OR52N5: variants seen among roughly 807,000 people sequenced by gnomAD.
The protein encoded by OR52N5 is olfactory receptor family 52 subfamily N member 5.
OR52N5 carries 10 observed loss-of-function variants against 14.1 expected under a neutral mutation model. The ratio of observed to expected loss-of-function variants is 0.71; its 90% confidence interval spans 0.44 to 1.20. The LOEUF is 1.20. OR52N5 is among the 50% of genes most tolerant of loss of function. The pLI is 0.00. For missense variants in OR52N5, 361 were observed against 403.2 expected (o/e 0.90, Z 0.90); for synonymous variants, 116 against 143.0 (o/e 0.81, Z 1.35).
At position 5,778,526 on chromosome 11, in the gene OR52N5, G is replaced by A. The variant is rs370148000; in HGVS notation, c.109C>T (p.Leu37Phe). ...ATGATGTACATTGTGCAGAGTGGGA[G>A]GGAGATCCATACATGTACTCTTTCC... ...GLERVHVWIS[L>F]PLCTMYIIFL... is the part of the protein sequence containing the mutation. Residue 37 changes from leucine (L) to phenylalanine (F), a missense_variant, in exon 3 of 3, where the codon CTC (leucine) becomes TTC (phenylalanine). Physicochemically the swap from Leu to Phe is conservative, Grantham distance 22. Coordinates refer to ENST00000641181, the MANE Select transcript of OR52N5 (RefSeq NM_001385662.1). The A allele has an allele frequency of 2.7e-5, 41 of 1,515,376 alleles. 8 individuals are homozygous for A. The African/African-American group carries it at 5.5e-4, about 20-fold the overall frequency. 93.9% of individuals were successfully genotyped at this position (1,515,376 alleles called of 1,614,324 possible).
intron 2 of OR52N5, among the ~76,000 whole-genome samples, chr11:5,780,931 A>T (rs1186323120): frequency 7.1e-6 from 1 of 140,600 alleles, no homozygotes; most frequent in Admixed American, 7.3e-5. Context: ...CCTGATGCTT[A>T]TCTTAGTAAC....
Position 5,779,114 on chromosome 11 carries a change from A to G in OR52N5, c.-23-457T>C, listed in dbSNP as rs115783198. ...TGTGCCAATACACAATAGGAAGATT[A>G]TGGTTATTTCTACCAAATAGCACAT... On this transcript the variant is annotated intron_variant, in intron 2 of 2. Transcript: ENST00000641181. Among the ~76,000 whole-genome samples, 1,049 of 140,450 alleles carry G rather than the reference A, an allele frequency of 7.5e-3. 170 individuals are homozygous for G. The highest frequency in any genetic ancestry group is 0.026 in the African/African-American group (995 of 38,492). 92.1% of individuals were successfully genotyped at this position (140,450 alleles called of 152,430 possible).
chr11:5,781,128 C>G lies in OR52N5; in HGVS notation c.-24+405G>C, dbSNP rs1312992764. 1.0e-4 allele frequency among the ~76,000 whole-genome samples: 14 copies of G among 140,402 alleles called. 2 individuals carry two copies. Among genetic ancestry groups the G allele is most frequent in the Admixed American group, 8.8e-4 (12 of 13,676 alleles). The allele number at this position is 140,402 out of a possible 152,430, so 92.1% of individuals were successfully genotyped here. On this transcript the variant is annotated intron_variant, in intron 2 of 2. Coordinates refer to ENST00000641181, the MANE Select transcript of OR52N5 (RefSeq NM_001385662.1). ...GACTTTCACATATGCTCCATTAAAG[C>G]AAATCCCTTATAAACAGAATTAATG...
rs140803825 is a variant in OR52N5 at position 5,778,161 on chromosome 11, G to A, written c.474C>T (p.Phe158=). ...GAATCATCAGCAATACACCCCTCAG[G>A]AAGGTGGCAAGCTCAGCCTTGGCAA... ...PIIAKAELAT[F]LRGVLLMIPF... Residue 158 remains phenylalanine, a synonymous_variant, in exon 3 of 3, where the codon TTC becomes TTT. Coordinates refer to ENST00000641181, the MANE Select transcript of OR52N5 (RefSeq NM_001385662.1). The A allele has an allele frequency of 6.3e-5, 96 of 1,521,160 alleles. 16 individuals carry two copies. The highest frequency in any genetic ancestry group is 5.4e-6 in the Non-Finnish European group (6 of 1,114,724). The allele number at this position is 1,521,160 out of a possible 1,614,324, so 94.2% of individuals were successfully genotyped here.
chr11:5,779,798 T>C (rs1205775317), intron 2 of OR52N5, among the ~76,000 whole-genome samples: 1 of 139,524 alleles, frequency 7.2e-6, no homozygotes, highest in Non-Finnish European at 1.6e-5. Context: ...ATGGTGTCAT[T>C]ATCTACTACA....
intron 2 of OR52N5, among the ~76,000 whole-genome samples, chr11:5,778,907 G>A (rs1590352683): frequency 1.4e-5 from 2 of 139,538 alleles, no homozygotes; most frequent in African/African-American, 2.6e-5. Flanking sequence ...AGTAGAAACT[G>A]GGGCGCAGAA....
In OR52N5 at chr11:5,782,855, T is replaced by C. The variant is rs970992690; in HGVS notation, c.-248+440A>G. 9.4e-5 allele frequency among the ~76,000 whole-genome samples: 13 copies of C among 138,642 alleles called. 3 individuals are homozygous for C. The highest frequency in any genetic ancestry group is 1.9e-4 in the Non-Finnish European group (12 of 62,918). 91.0% of individuals were successfully genotyped at this position (138,642 alleles called of 152,430 possible). On this transcript the variant is annotated intron_variant, in intron 1 of 2. Transcript: ENST00000641181. ...TGGAGTTGTATTGACTGACTCCAAG[T>C]TGTATGACCCAACTTAAGAAAAGGG...
At chr11:5,779,038 T>C (rs563879691) in intron 2 of OR52N5, among the ~76,000 whole-genome samples, 1 of 140,750 alleles carries the variant, frequency 7.1e-6, no homozygotes, top group South Asian at 2.3e-4. Context: ...GGACATATCC[T>C]ATGACAGCAT....
chr11:5,778,089 A>G lies in OR52N5; in HGVS notation c.546T>C (p.Ile182=), dbSNP rs1854512395. ...VKRLPFCQSN[I]ISHTYCDHMS... ...TGTGGTCGCAGTACGTATGGGAGAT[A>G]ATATTGCTTTGGCAGAAAGGCAAAC... The change falls in exon 3 of 3, where the codon ATT becomes ATC. Residue 182 remains isoleucine (I), a synonymous_variant. Coordinates refer to ENST00000641181, the MANE Select transcript of OR52N5 (RefSeq NM_001385662.1). 2.0e-6 allele frequency: 3 copies of G among 1,519,172 alleles called. No individual in the cohort carries two copies. Among genetic ancestry groups the G allele is most frequent in the African/African-American group, 1.4e-5 (1 of 70,162 alleles). The allele number at this position is 1,519,172 out of a possible 1,614,324, so 94.1% of individuals were successfully genotyped here. A position where few individuals can be genotyped will look rare whatever the true frequency, so the allele number is the denominator to read the frequency against.
intron 2 of OR52N5, among the ~76,000 whole-genome samples, chr11:5,779,869 A>G (rs1390014657): frequency 7.2e-6 from 1 of 139,068 alleles, no homozygotes; most frequent in Non-Finnish European, 1.6e-5. Flanking sequence ...CTTGGATATA[A>G]TTCATTTACA....
rs746559383 is a variant in OR52N5 at position 5,781,910 on chromosome 11, T to A, written c.-247-154A>T. Among the ~76,000 whole-genome samples the A allele has an allele frequency of 2.0e-4, 28 of 140,414 alleles. 6 individuals are homozygous for A. The highest frequency in any genetic ancestry group is 3.2e-4 in the Non-Finnish European group (20 of 63,450). The allele number at this position is 140,414 out of a possible 152,430, so 92.1% of individuals were successfully genotyped here. ...CTTCCACGCTATACTTCTCTAGTGA[T>A]GGCTTGGAACAGTATTTTTTCAAGG... On this transcript the variant is annotated intron_variant, in intron 1 of 2. Coordinates refer to ENST00000641181, the MANE Select transcript of OR52N5 (RefSeq NM_001385662.1).
chr11:5,780,035 T>A (rs1022508947), intron 2 of OR52N5, among the ~76,000 whole-genome samples: 1 of 140,040 alleles, frequency 7.1e-6, no homozygotes, highest in Non-Finnish European at 1.6e-5. Context: ...CCTAGCCACA[T>A]CCATTTATTT....
intron 2 of OR52N5, among the ~76,000 whole-genome samples, chr11:5,781,275 T>C (rs1854547465): frequency 7.1e-6 from 1 of 140,302 alleles, no homozygotes. Flanking sequence ...GTTTCTAGCA[T>C]GTGACCTCTA....
Position 5,777,899 on chromosome 11 carries a change from C to CCTGCT in OR52N5, c.735_736insAGCAG (p.Ala246SerfsTer54), listed in dbSNP as rs753144504. ...ATATGGGCAGTGCAGGTGCTGAAAG[C>CCTGCT]CTTCTGCCGAGCATCTGATGAAGAG... On this transcript the variant is annotated frameshift_variant, in exon 3 of 3. Coordinates refer to ENST00000641181, the MANE Select transcript of OR52N5 (RefSeq NM_001385662.1). LOFTEE classifies it high-confidence loss of function. The CCTGCT allele has an allele frequency of 1.1e-5, 17 of 1,520,840 alleles. 5 individuals carry two copies. The highest frequency in any genetic ancestry group is 1.4e-5 in the Non-Finnish European group (16 of 1,114,442). The allele number at this position is 1,520,840 out of a possible 1,614,324, so 94.2% of individuals were successfully genotyped here. A position where few individuals can be genotyped will look rare whatever the true frequency, so the allele number is the denominator to read the frequency against.
Position 5,778,114 on chromosome 11 carries a change from C to G in OR52N5, c.521G>C (p.Arg174Pro). Residue 174 changes from arginine (R) to proline (P), a missense_variant, in exon 3 of 3, where the codon CGT (arginine) becomes CCT (proline). By Grantham distance (103) the Arg-to-Pro change is moderately radical. Coordinates refer to ENST00000641181, the MANE Select transcript of OR52N5 (RefSeq NM_001385662.1). ...LMIPFPFLVK[R>P]LPFCQSNIIS... ...AATATTGCTTTGGCAGAAAGGCAAA[C>G]GCTTAACCAAGAATGGGAAAGGAAT... The G allele has an allele frequency of 6.6e-7, 1 of 1,520,720 alleles. No individual in the cohort carries two copies. The highest frequency in any genetic ancestry group is 9.0e-7 in the Non-Finnish European group (1 of 1,114,022). The allele number at this position is 1,520,720 out of a possible 1,614,324, so 94.2% of individuals were successfully genotyped here. A position where few individuals can be genotyped will look rare whatever the true frequency, so the allele number is the denominator to read the frequency against.
Position 5,777,606 on chromosome 11 carries a change from A to G in OR52N5, c.*54T>C. On this transcript the variant is annotated 3_prime_UTR_variant, in exon 3 of 3. Coordinates refer to ENST00000641181, the MANE Select transcript of OR52N5 (RefSeq NM_001385662.1). Reference sequence around the variant, plus strand: ...AATGTAAAATATCACACGTAAGTTTATTCTTTGTTATTTTTCATTTATCTT... The same window carrying G: ...AATGTAAAATATCACACGTAAGTTTGTTCTTTGTTATTTTTCATTTATCTT... The G allele has an allele frequency of 1.6e-6, 2 of 1,222,818 alleles. 1 individual carries two copies. The highest frequency in any genetic ancestry group is 2.2e-6 in the Non-Finnish European group (2 of 890,684). 75.7% of individuals were successfully genotyped at this position (1,222,818 alleles called of 1,614,324 possible). A position where few individuals can be genotyped will look rare whatever the true frequency, so the allele number is the denominator to read the frequency against.
rs186583981 is a variant in OR52N5 at position 5,778,294 on chromosome 11, T to C, written c.341A>G (p.His114Arg). 1.8e-5 allele frequency: 27 copies of C among 1,520,970 alleles called. 3 individuals carry two copies. The Admixed American group carries it at 4.9e-4, about 27-fold the overall frequency. 94.2% of individuals were successfully genotyped at this position (1,520,970 alleles called of 1,614,324 possible). Residue 114 changes from histidine (H) to arginine (R), a missense_variant, in exon 3 of 3, where the codon CAT becomes CGT. Physicochemically the swap from His to Arg is conservative, Grantham distance 29. Coordinates refer to ENST00000641181, the MANE Select transcript of OR52N5 (RefSeq NM_001385662.1). ...NACLAQMFFV[H>R]GFTGVESGVL... is the part of the protein sequence containing the mutation. ...CCCAGACTCCACACCTGTGAACCCA[T>C]GAACAAAGAACATCTGGGCCAAGCA...
At position 5,776,552 on chromosome 11, in the gene OR52N5, C is replaced by G. The variant is rs1382716228; in HGVS notation, c.*1108G>C. The stretch of plus-strand genomic sequence containing the variant: ...AAAGATTATCAACATAGACAAGACA[C>G]TTAAGGACTCTTTCAAAGTTTAAGA... On this transcript the variant is annotated 3_prime_UTR_variant, in exon 3 of 3. Transcript: ENST00000641181. 7.1e-6 allele frequency: 1 copy of G among 140,474 alleles called. No homozygotes were observed. The highest frequency in any genetic ancestry group is 1.6e-5 in the Non-Finnish European group (1 of 63,432). 8.7% of individuals were successfully genotyped at this position (140,474 alleles called of 1,614,324 possible).
chr11:5,776,642 C>T lies in OR52N5; in HGVS notation c.*1018G>A, dbSNP rs558820026. 2 of 140,160 alleles carry T rather than the reference C, an allele frequency of 1.4e-5. No homozygotes were observed. The highest frequency in any genetic ancestry group is 2.3e-4 in the South Asian group (1 of 4,312). 8.7% of individuals were successfully genotyped at this position (140,160 alleles called of 1,614,324 possible). Reference sequence around the variant, plus strand: ...ATTCATACCAACGACTTGATTAAAACGGGCAATGTAACTTTTGTCTTTCTG... The same window carrying T: ...ATTCATACCAACGACTTGATTAAAATGGGCAATGTAACTTTTGTCTTTCTG... On this transcript the variant is annotated 3_prime_UTR_variant, in exon 3 of 3. Coordinates refer to ENST00000641181, the MANE Select transcript of OR52N5 (RefSeq NM_001385662.1).
Sources: allele counts gnomAD v4.1 joint callset (sites outside exome capture counted in the v4.1 genomes callset), GRCh38; gene constraint gnomAD v4.1.1; transcripts MANE v1.5; gene names NCBI Gene and HGNC (gene_info 2026-07-23, HGNC 2026-07-21).